LHFPL4: variants seen among roughly 807,000 people sequenced by gnomAD.
LHFPL4 encodes the protein LHFPL tetraspan subfamily member 4, also known as LHFPL tetraspan subfamily member 4 protein.
In LHFPL4, 6 loss-of-function variants were observed where a neutral mutation model predicts 20.0. The ratio of observed to expected loss-of-function variants is 0.30; its 90% confidence interval spans 0.16 to 0.59. The LOEUF (loss-of-function observed/expected upper bound fraction) is 0.59. Ranked by LOEUF, LHFPL4 falls within the 20% of genes least tolerant of loss-of-function variation. LHFPL4 has a pLI of 0.88. For missense variants in LHFPL4, 215 were observed against 331.2 expected (o/e 0.65, Z 2.72); for synonymous variants, 129 against 143.8 (o/e 0.90, Z 0.74).
chr3:9,512,511 A>T (rs1162039180), intron 2 of LHFPL4, among the ~76,000 whole-genome samples: 2 of 152,172 alleles, frequency 1.3e-5, no homozygotes, highest in African/African-American at 2.4e-5. Context: ...TTTTTTTGCA[A>T]TTTAACCATG....
intron 2 of LHFPL4, among the ~76,000 whole-genome samples, chr3:9,534,193 G>A (rs989764456): frequency 6.6e-6 from 1 of 151,948 alleles, no homozygotes; most frequent in Non-Finnish European, 1.5e-5. Flanking sequence ...CTCCAGCCTG[G>A]GTGACAGAGC....
chr3:9,505,704 G>A (rs1429834178), intron 3 of LHFPL4, among the ~76,000 whole-genome samples: 4 of 152,144 alleles, frequency 2.6e-5, no homozygotes, highest in South Asian at 2.1e-4. Context: ...GATTACAGGC[G>A]TGAGCCACCG....
In LHFPL4 at chr3:9,505,997, G is replaced by T; in HGVS notation, c.613C>A (p.Leu205Met). 6.2e-7 allele frequency: 1 copy of T among 1,614,236 alleles called. No homozygotes were observed. The highest frequency in any genetic ancestry group is 1.1e-5 in the South Asian group (1 of 91,090). The change falls in exon 3 of 4, where the codon CTG (leucine) becomes ATG (methionine). Residue 205 changes from leucine (L) to methionine (M), a missense_variant. Transcript: ENST00000287585. ...TTCTCCGGCTTGAGCTCCTCCTGCA[G>T]CAGGTCTGTTTGCCGGTTGCCCAGC... is the stretch of plus-strand genomic sequence containing the variant. ...FVLGNRQTDL[L>M]QEELKPENKD...
In LHFPL4 at chr3:9,500,197, C is replaced by T. The variant is rs1421485740; in HGVS notation, c.*2014G>A. The T allele has an allele frequency of 6.5e-6, 1 of 152,812 alleles. No homozygotes were observed. Among genetic ancestry groups the T allele is most frequent in the Admixed American group, 6.5e-5 (1 of 15,282 alleles). The allele number at this position is 152,812 out of a possible 1,614,324, so 9.5% of individuals were successfully genotyped here. A position where few individuals can be genotyped will look rare whatever the true frequency, so the allele number is the denominator to read the frequency against. On this transcript the variant is annotated 3_prime_UTR_variant, in exon 4 of 4. Coordinates refer to ENST00000287585, the MANE Select transcript of LHFPL4 (RefSeq NM_198560.3). ...TGCTGCGCCCCTCCCCTCACTCTCTCCTAACTCTGCTCTCCCCCTCCAACG... is the reference window on the plus strand; with the variant it reads ...TGCTGCGCCCCTCCCCTCACTCTCTTCTAACTCTGCTCTCCCCCTCCAACG...
At position 9,502,135 on chromosome 3, in the gene LHFPL4, TTGAA is replaced by T; in HGVS notation, c.*72_*75del. 9.6e-7 allele frequency: 1 copy of T among 1,045,476 alleles called. No individual in the cohort carries two copies. Among genetic ancestry groups the T allele is most frequent in the Non-Finnish European group, 1.5e-6 (1 of 670,500 alleles). 64.8% of individuals were successfully genotyped at this position (1,045,476 alleles called of 1,614,324 possible). A position where few individuals can be genotyped will look rare whatever the true frequency, so the allele number is the denominator to read the frequency against. On this transcript the variant is annotated 3_prime_UTR_variant, in exon 4 of 4. Coordinates refer to ENST00000287585, the MANE Select transcript of LHFPL4 (RefSeq NM_198560.3). The stretch of plus-strand genomic sequence containing the variant: ...TGAGATCAGGGTCTTCCCTCAGAGC[TTGAA>T]TGGAGTGACGAGAGGGCAGAAGGCA...
intron 2 of LHFPL4, among the ~76,000 whole-genome samples, chr3:9,539,765 G>A (rs2046466192): frequency 6.6e-6 from 1 of 152,034 alleles, no homozygotes; most frequent in South Asian, 2.1e-4. Flanking sequence ...ACAAATCAAA[G>A]TGGAAAAATG....
intron 2 of LHFPL4, among the ~76,000 whole-genome samples, chr3:9,542,843 T>G (rs969641768): frequency 6.7e-6 from 1 of 149,000 alleles, no homozygotes; most frequent in Non-Finnish European, 1.5e-5. Context: ...TGTTATATGA[T>G]CCCATTTATA....
At chr3:9,503,289 A>G (rs976314532) in intron 3 of LHFPL4, among the ~76,000 whole-genome samples, 3 of 152,140 alleles carry the variant, frequency 2.0e-5, no homozygotes, top group Non-Finnish European at 4.4e-5. Context: ...GGAAGGGAGG[A>G]GAAGGACACC....
rs2046158491 is a variant in LHFPL4 at position 9,499,918 on chromosome 3, T to G, written c.*2293A>C. ...CTTGCCCCCAACCCACATCTCCATT[T>G]ACCTCTTCCCCGCTCCCGAGTCCTT... On this transcript the variant is annotated 3_prime_UTR_variant, in exon 4 of 4. Transcript: ENST00000287585. 1 of 152,132 alleles carries G rather than the reference T, an allele frequency of 6.6e-6. No individual in the cohort carries two copies. The highest frequency in any genetic ancestry group is 2.1e-4 in the South Asian group (1 of 4,798). 9.4% of individuals were successfully genotyped at this position (152,132 alleles called of 1,614,324 possible).
rs113439233 is a variant in LHFPL4 at position 9,528,921 on chromosome 3, C to CT, written c.407-22719dup. Among the ~76,000 whole-genome samples the CT allele has an allele frequency of 5.4e-3, 774 of 142,882 alleles. 7 individuals carry two copies. The highest frequency in any genetic ancestry group is 0.015 in the African/African-American group (584 of 39,032). 93.7% of individuals were successfully genotyped at this position (142,882 alleles called of 152,430 possible). A position where few individuals can be genotyped will look rare whatever the true frequency, so the allele number is the denominator to read the frequency against. Reference sequence around the variant, plus strand: ...TAAGCCACTGCACCCAGCCCCCCAACTTTTTTTTTTTTTTGAGATGGAATC... The same window carrying CT: ...TAAGCCACTGCACCCAGCCCCCCAACTTTTTTTTTTTTTTTGAGATGGAATC... On this transcript the variant is annotated intron_variant, in intron 2 of 3. Transcript: ENST00000287585.
chr3:9,533,687 C>T (rs376494048), intron 2 of LHFPL4, among the ~76,000 whole-genome samples: 2 of 151,974 alleles, frequency 1.3e-5, no homozygotes, highest in South Asian at 2.1e-4. Context: ...GAGGCTGAGT[C>T]GGGAGAATGG....
At chr3:9,517,263 T>C (rs866568577) in intron 2 of LHFPL4, among the ~76,000 whole-genome samples, 1 of 152,144 alleles carries the variant, frequency 6.6e-6, no homozygotes, top group Non-Finnish European at 1.5e-5. Context: ...AGGATTGTGA[T>C]TGAGATTGCA....
At chr3:9,523,094 G>A (rs112131271) in intron 2 of LHFPL4, among the ~76,000 whole-genome samples, 29,818 of 72,652 alleles carry the variant, frequency 0.41, 5,314 homozygotes, top group Non-Finnish European at 0.48. Flanking sequence ...GAAAGAAAGA[G>A]AGAGAGAGAG....
chr3:9,543,729 G>GTTTTTTTTTTTTTT lies in LHFPL4; in HGVS notation c.406+8531_406+8544dup, dbSNP rs58872967. 5.0e-5 allele frequency among the ~76,000 whole-genome samples: 6 copies of GTTTTTTTTTTTTTT among 119,660 alleles called. No individual in the cohort carries two copies. In the East Asian group the frequency reaches 7.4e-4, roughly 15 times the overall value. The allele number at this position is 119,660 out of a possible 152,430, so 78.5% of individuals were successfully genotyped here. On this transcript the variant is annotated intron_variant, in intron 2 of 3. Transcript: ENST00000287585. ...GGTGATTTGTTTGTTTTTGGTTTTG[G>GTTTTTTTTTTTTTT]TTTTTTTTTTTTTTTTTTTGAGTCA...
At position 9,547,859 on chromosome 3, in the gene LHFPL4, G is replaced by A. The variant is rs2046526155; in HGVS notation, c.406+4415C>T. 2.6e-5 allele frequency among the ~76,000 whole-genome samples: 4 copies of A among 152,120 alleles called. No individual in the cohort carries two copies. In the South Asian group the frequency reaches 8.3e-4, roughly 32 times the overall value. ...CTCACTCTGTCATCCAGGCTGGAGT[G>A]CAGTGGCATGATCATGGCTCACTGC... On this transcript the variant is annotated intron_variant, in intron 2 of 3. Transcript: ENST00000287585.
chr3:9,548,103 G>C (rs2046528122), intron 2 of LHFPL4, among the ~76,000 whole-genome samples: 1 of 152,132 alleles, frequency 6.6e-6, no homozygotes, highest in Admixed American at 6.6e-5. Flanking sequence ...ACCGAGCCTG[G>C]CTGATCTCCG....
intron 2 of LHFPL4, among the ~76,000 whole-genome samples, chr3:9,535,181 A>T (rs1315955604): frequency 6.6e-6 from 1 of 152,260 alleles, no homozygotes; most frequent in Non-Finnish European, 1.5e-5. Context: ...AAAATAACAC[A>T]CAACATAATT....
At chr3:9,543,885 C>T (rs1180088319) in intron 2 of LHFPL4, among the ~76,000 whole-genome samples, 1 of 151,856 alleles carries the variant, frequency 6.6e-6, no homozygotes, top group African/African-American at 2.4e-5. Flanking sequence ...GCGTGTGCCA[C>T]CATGCCCAGC....
intron 2 of LHFPL4, among the ~76,000 whole-genome samples, chr3:9,510,605 A>G (rs1489342136): frequency 6.6e-6 from 1 of 152,018 alleles, no homozygotes; most frequent in Non-Finnish European, 1.5e-5. Flanking sequence ...TAAGATGAAC[A>G]ATGTTAATAT....
Sources: allele counts gnomAD v4.1 joint callset (sites outside exome capture counted in the v4.1 genomes callset), GRCh38; gene constraint gnomAD v4.1.1; transcripts MANE v1.5; gene names NCBI Gene and HGNC (gene_info 2026-07-23, HGNC 2026-07-21).